The following ELAVL2 variants were observed in gnomAD, a reference collection of about 807,000 sequenced individuals.
ELAVL2 encodes the protein ELAV-like protein 2.
Under a neutral mutation model 34.6 loss-of-function variants are expected in ELAVL2, and 4 were observed. The ratio of observed to expected loss-of-function variants is 0.12; its 90% CI spans 0.06 to 0.26. The LOEUF is 0.26. Among genes scored for constraint, ELAVL2 ranks in the 10% least tolerant of loss-of-function variants. The probability of loss-of-function intolerance (pLI) is 1.00; values close to 1 mark genes in which losing one functional copy is unlikely to be tolerated. For synonymous variants in ELAVL2, 193 were observed against 154.8 expected, an observed-to-expected ratio of 1.25 and a Z score of -1.83; for missense variants, 432 against 442.8, an observed-to-expected ratio of 0.98 and a Z score of 0.22.
At chr9:23,701,311 A>T in intron 5 of ELAVL2, 68 bp downstream of exon 5, 2 of 1,527,874 alleles carry the variant, frequency 1.3e-6, no homozygotes, top group Non-Finnish European at 1.8e-6. Context: ...CAATAAAAGT[A>T]CTGGACAGTA....
At chr9:23,725,712 T>C (rs962203198) in intron 3 of ELAVL2, among the ~76,000 whole-genome samples, 3 of 152,176 alleles carry the variant, frequency 2.0e-5, no homozygotes, top group Non-Finnish European at 4.4e-5. Context: ...ACAGTGGCTA[T>C]TAAACTTTCA....
chr9:23,806,146 A>C (rs1186629837), intron 1 of ELAVL2, among the ~76,000 whole-genome samples: 3 of 152,214 alleles, frequency 2.0e-5, no homozygotes, highest in Non-Finnish European at 2.9e-5. Context: ...AAAAACATAG[A>C]AATGTTTGCT....
At chr9:23,803,989 C>T (rs2061893121) in intron 1 of ELAVL2, among the ~76,000 whole-genome samples, 1 of 152,068 alleles carries the variant, frequency 6.6e-6, no homozygotes, top group African/African-American at 2.4e-5. Context: ...GCACTGAATG[C>T]TAACAAACAG....
intron 1 of ELAVL2, among the ~76,000 whole-genome samples, chr9:23,809,095 T>C (rs1036011686): frequency 3.9e-5 from 6 of 152,328 alleles, no homozygotes; most frequent in Admixed American, 3.9e-4. Context: ...TTCTGCTTCA[T>C]CCTGTGATAT....
intron 5 of ELAVL2, among the ~76,000 whole-genome samples, chr9:23,695,891 A>G (rs1314111197): frequency 6.6e-6 from 1 of 152,164 alleles, no homozygotes; most frequent in African/African-American, 2.4e-5. Context: ...GCAGTGAGGG[A>G]GAAACATTTC....
chr9:23,796,333 A>G (rs2060921868), intron 1 of ELAVL2, among the ~76,000 whole-genome samples: 1 of 152,228 alleles, frequency 6.6e-6, no homozygotes, highest in Non-Finnish European at 1.5e-5. Flanking sequence ...CTCCATTTAA[A>G]AAGCCTCTTC....
At chr9:23,798,240 G>C (rs1027281652) in intron 1 of ELAVL2, among the ~76,000 whole-genome samples, 139 of 152,160 alleles carry the variant, frequency 9.1e-4, no homozygotes, top group Admixed American at 9.0e-3. Flanking sequence ...GTGCAAAAAG[G>C]TCGCAACAGC....
chr9:23,702,438 T>C (rs1248862693), intron 4 of ELAVL2, among the ~76,000 whole-genome samples: 2 of 151,808 alleles, frequency 1.3e-5, no homozygotes, highest in Non-Finnish European at 2.9e-5. Context: ...TTATGAAAAA[T>C]TGTAGAGGGA....
rs181047258 is a variant in ELAVL2 at position 23,718,523 on chromosome 9, A to G, written c.333+12499T>C. On this transcript the variant is annotated intron_variant, in intron 3 of 6. Coordinates refer to ENST00000397312, the MANE Select transcript of ELAVL2 (RefSeq NM_004432.5). Reference sequence around the variant, plus strand: ...AAAGCAGTAACAGCAAACACTGCAGATTGCTTATGGCATTTAACAGGCAGA... The same window carrying G: ...AAAGCAGTAACAGCAAACACTGCAGGTTGCTTATGGCATTTAACAGGCAGA... Among the ~76,000 whole-genome samples, 336 of 152,282 alleles carry G rather than the reference A, an allele frequency of 2.2e-3. 1 individual carries two copies. Among genetic ancestry groups the G allele is most frequent in the African/African-American group, 7.7e-3 (318 of 41,566 alleles).
At chr9:23,740,087 T>G (rs923943476) in intron 2 of ELAVL2, among the ~76,000 whole-genome samples, 1 of 146,692 alleles carries the variant, frequency 6.8e-6, no homozygotes. Flanking sequence ...CTTAAAAAAA[T>G]CACTCTCTCA....
chr9:23,750,800 T>C (rs1166585042), intron 2 of ELAVL2, among the ~76,000 whole-genome samples: 1 of 152,186 alleles, frequency 6.6e-6, no homozygotes, highest in South Asian at 2.1e-4. Context: ...GCTTACTTAG[T>C]ACCAGGGTTA....
chr9:23,742,461 C>T (rs545266249), intron 2 of ELAVL2, among the ~76,000 whole-genome samples: 5 of 152,086 alleles, frequency 3.3e-5, no homozygotes, highest in African/African-American at 1.2e-4. Context: ...ATGGTGACAT[C>T]AAGTTAGAAA....
chr9:23,795,472 G>C (rs2137398189), intron 1 of ELAVL2, among the ~76,000 whole-genome samples: 1 of 152,290 alleles, frequency 6.6e-6, no homozygotes, highest in East Asian at 1.9e-4. Flanking sequence ...GAACCTGGGA[G>C]GCGGAGGCTG....
Position 23,690,834 on chromosome 9 carries a change from A to C in ELAVL2, c.*1723T>G, listed in dbSNP as rs1473052399. ...CTTTTTTGAAAATTTATTATAAGCT[A>C]GATGCTAATCAGAAAATATTTTGTA... is the stretch of plus-strand genomic sequence containing the variant. On this transcript the variant is annotated 3_prime_UTR_variant, in exon 7 of 7. Transcript: ENST00000397312. 1 of 152,584 alleles carries C rather than the reference A, an allele frequency of 6.6e-6. No homozygotes were observed. Among genetic ancestry groups the C allele is most frequent in the Non-Finnish European group, 1.5e-5 (1 of 68,004 alleles). 9.5% of individuals were successfully genotyped at this position (152,584 alleles called of 1,614,324 possible). A position where few individuals can be genotyped will look rare whatever the true frequency, so the allele number is the denominator to read the frequency against.
At chr9:23,752,757 G>A (rs554598364) in intron 2 of ELAVL2, among the ~76,000 whole-genome samples, 50 of 152,192 alleles carry the variant, frequency 3.3e-4, no homozygotes, top group Middle Eastern at 3.4e-3. Context: ...ACCCAGCCAA[G>A]GAACTCTTAT....
intron 2 of ELAVL2, among the ~76,000 whole-genome samples, chr9:23,759,751 GTATT>G (rs2054449684): frequency 1.9e-5 from 1 of 51,524 alleles, no homozygotes; most frequent in African/African-American, 1.0e-4. Flanking sequence ...ATCATATATA[GTATT>G]ATATATATAT....
chr9:23,827,926 T>C (rs1285437915), upstream of ELAVL2, among the ~76,000 whole-genome samples: 2 of 152,170 alleles, frequency 1.3e-5, no homozygotes, highest in Admixed American at 1.3e-4. Context: ...ATCTATGTTA[T>C]CTTATAATTA....
the ELAVL2 span, among the ~76,000 whole-genome samples, chr9:23,835,056 T>C: frequency 1.2e-3 from 179 of 152,166 alleles, 2 homozygotes; most frequent in East Asian, 0.016. Flanking sequence ...CTAAGGTTCA[T>C]AGAGATAGTT....
At chr9:23,703,166 G>A (rs1001640386) in intron 4 of ELAVL2, among the ~76,000 whole-genome samples, 2 of 152,206 alleles carry the variant, frequency 1.3e-5, no homozygotes, top group South Asian at 2.1e-4. Context: ...CTTGAGAACC[G>A]CTGACTAAAA....
Sources: allele counts gnomAD v4.1 joint callset (sites outside exome capture counted in the v4.1 genomes callset), GRCh38; gene constraint gnomAD v4.1.1; transcripts MANE v1.5; gene names NCBI Gene and HGNC (gene_info 2026-07-23, HGNC 2026-07-21).